The following FMO3 variants were observed in gnomAD, a reference collection of about 807,000 sequenced individuals.
The protein encoded by FMO3 is flavin-containing monooxygenase 3.
FMO3 carries 40 observed loss-of-function variants against 39.4 expected under a neutral mutation model. The observed-to-expected ratio is 1.02, with a 90% CI of 0.79 to 1.32. The LOEUF is 1.32. Among genes scored for constraint, FMO3 ranks in the 40% most tolerant of loss-of-function variants. The pLI, the probability that FMO3 is intolerant of heterozygous loss-of-function variation, is 0.00. For missense variants in FMO3, 680 were observed against 651.8 expected (o/e 1.04, Z -0.47); for synonymous variants, 219 against 228.8 (o/e 0.96, Z 0.39).
rs79487676 is a variant in FMO3, at chr1:171,093,752, G to A, written c.132+962G>A. Among the ~76,000 whole-genome samples the A allele has an allele frequency of 2.3e-3, 338 of 149,582 alleles. 2 individuals are homozygous for A. The highest frequency in any genetic ancestry group is 7.9e-3 in the African/African-American group (321 of 40,800). On this transcript the variant is annotated intron_variant, in intron 2 of 8. Coordinates refer to ENST00000367755, the MANE Select transcript of FMO3 (RefSeq NM_001002294.3). ...GGTAGTTCTATTTTTAATTCTTTGT[G>A]AAATCTCCATACTGTTTTCTATAGT... is the stretch of plus-strand genomic sequence containing the variant.
chr1:171,106,976 A>G (rs899020425), intron 3 of FMO3, among the ~76,000 whole-genome samples: 10 of 152,182 alleles, frequency 6.6e-5, no homozygotes, highest in South Asian at 2.1e-4. Context: ...AAAATGTAAC[A>G]TATATGTGTT....
intron 2 of FMO3, chr1:171,101,637 T>A (rs1213846352): frequency 2.1e-6 from 1 of 468,784 alleles, no homozygotes; most frequent in East Asian, 6.8e-5. Context: ...AGCTGTTTAC[T>A]ACAGCACTTT....
intron 7 of FMO3, among the ~76,000 whole-genome samples, chr1:171,115,140 C>T (rs902337871): frequency 2.6e-4 from 40 of 152,006 alleles, no homozygotes; most frequent in Non-Finnish European, 2.8e-4. Flanking sequence ...GGGTTCAGAC[C>T]CAGAGAGGCT....
intron 3 of FMO3, among the ~76,000 whole-genome samples, chr1:171,105,573 T>C (rs1655602436): frequency 6.6e-6 from 1 of 152,032 alleles, no homozygotes; most frequent in African/African-American, 2.4e-5. Flanking sequence ...TTTTTAATGA[T>C]CGCCATTCTA....
intron 6 of FMO3, among the ~76,000 whole-genome samples, chr1:171,111,849 A>G (rs1477252221): frequency 6.6e-6 from 1 of 152,204 alleles, no homozygotes; most frequent in Non-Finnish European, 1.5e-5. Flanking sequence ...TCCTCATGGA[A>G]CCTACATTCT....
chr1:171,096,081 A>AATATATAATATATATTATATATTATGTAT (rs1557933418), intron 2 of FMO3, among the ~76,000 whole-genome samples: 2 of 56,010 alleles, frequency 3.6e-5, no homozygotes, highest in Non-Finnish European at 6.3e-5. Context: ...TTAATATATA[A>AATATATAATATATATTATATATTATGTAT]TATATATTAA....
Position 171,096,159 on chromosome 1 carries a change from A to T in FMO3, c.132+3369A>T, listed in dbSNP as rs866972200. Among the ~76,000 whole-genome samples, 194 of 75,862 alleles carry T rather than the reference A, an allele frequency of 2.6e-3. 2 individuals carry two copies. The East Asian group carries it at 0.033, about 13-fold the overall frequency. 49.8% of individuals were successfully genotyped at this position (75,862 alleles called of 152,430 possible). On this transcript the variant is annotated intron_variant, in intron 2 of 8. Coordinates refer to ENST00000367755, the MANE Select transcript of FMO3 (RefSeq NM_001002294.3). ...TTATTATATATTGATATGAATATAT[A>T]ATATATATAATTATATATAATATAT...
chr1:171,104,043 A>C, intron 3 of FMO3, 70 bp downstream of exon 3: 87 of 1,147,678 alleles, frequency 7.6e-5, no homozygotes, highest in Non-Finnish European at 9.9e-5. Context: ...CTGGATTCTC[A>C]TTTGTTCCTT....
At chr1:171,103,507 C>A (rs559581930) in intron 2 of FMO3, among the ~76,000 whole-genome samples, 3 of 152,144 alleles carry the variant, frequency 2.0e-5, no homozygotes, top group South Asian at 2.1e-4. Flanking sequence ...AAATCAAAAT[C>A]AAAAAACAAT....
intron 2 of FMO3, among the ~76,000 whole-genome samples, chr1:171,098,708 T>C (rs1655220432): frequency 1.3e-5 from 2 of 152,188 alleles, no homozygotes; most frequent in Admixed American, 1.3e-4. Flanking sequence ...GATGGGGTTT[T>C]CTAGATATAC....
intron 7 of FMO3, 55 bp downstream of exon 7, chr1:171,114,417 T>A: frequency 7.9e-7 from 1 of 1,273,112 alleles, no homozygotes; most frequent in Non-Finnish European, 1.1e-6. Context: ...TGACAATAAC[T>A]TTGGATCTTT....
chr1:171,107,309 TTTGAG>T (rs1180826618), intron 3 of FMO3, among the ~76,000 whole-genome samples: 1 of 152,220 alleles, frequency 6.6e-6, no homozygotes, highest in African/African-American at 2.4e-5. Flanking sequence ...TACATCTATC[TTTGAG>T]TTATCTTTAA....
At chr1:171,098,669 A>G (rs995840805) in intron 2 of FMO3, among the ~76,000 whole-genome samples, 1 of 152,222 alleles carries the variant, frequency 6.6e-6, no homozygotes, top group African/African-American at 2.4e-5. Flanking sequence ...GAAGTAGCTT[A>G]TCAGCTTAAG....
chr1:171,102,224 A>T (rs955518742), intron 2 of FMO3, among the ~76,000 whole-genome samples: 4 of 152,154 alleles, frequency 2.6e-5, no homozygotes, highest in African/African-American at 9.7e-5. Flanking sequence ...TTATACTAAA[A>T]TTTCATGTTC....
intron 5 of FMO3, among the ~76,000 whole-genome samples, chr1:171,109,659 T>C (rs994120428): frequency 3.3e-5 from 5 of 149,442 alleles, no homozygotes; most frequent in African/African-American, 1.2e-4. Context: ...CTCAGCCTCC[T>C]GAGTAGCTGG....
chr1:171,096,012 C>CATAT (rs1557932879), intron 2 of FMO3, among the ~76,000 whole-genome samples: 2 of 28,768 alleles, frequency 7.0e-5, no homozygotes, highest in African/African-American at 2.7e-4. Flanking sequence ...TATTAATATA[C>CATAT]ATATTATATA....
At chr1:171,094,234 A>G (rs961923046) in intron 2 of FMO3, among the ~76,000 whole-genome samples, 2 of 151,902 alleles carry the variant, frequency 1.3e-5, no homozygotes, top group African/African-American at 4.8e-5. Context: ...GCATTTTCCC[A>G]TATGTTTATT....
rs1411303140 is a variant in FMO3 at position 171,096,063 on chromosome 1, ATTATATATT to A, written c.132+3274_132+3282del. 3.6e-5 allele frequency among the ~76,000 whole-genome samples: 2 copies of A among 55,118 alleles called. 1 individual carries two copies. Among genetic ancestry groups the A allele is most frequent in the Non-Finnish European group, 5.5e-5 (2 of 36,202 alleles). The allele number at this position is 55,118 out of a possible 152,430, so 36.2% of individuals were successfully genotyped here. A position where few individuals can be genotyped will look rare whatever the true frequency, so the allele number is the denominator to read the frequency against. On this transcript the variant is annotated intron_variant, in intron 2 of 8. Transcript: ENST00000367755. The stretch of plus-strand genomic sequence containing the variant: ...TATTATATATAAATATATAATATAT[ATTATATATT>A]AATATATAATATATATTAATATTTT...
intron 2 of FMO3, among the ~76,000 whole-genome samples, chr1:171,092,991 A>T (rs1219450655): frequency 6.6e-6 from 1 of 152,210 alleles, no homozygotes. Flanking sequence ...ATGGGCTTTG[A>T]AATTCTCCAT....
Sources: gnomAD v4.1 joint callset for allele counts (sites outside exome capture counted in the v4.1 genomes callset) on GRCh38, gnomAD v4.1.1 for gene constraint, MANE v1.5 for transcripts, NCBI Gene and HGNC (gene_info 2026-07-23, HGNC 2026-07-21) for gene names.